UPF1: variants seen among roughly 807,000 people sequenced by gnomAD.
UPF1 encodes the protein UPF1 RNA helicase and ATPase, also known as regulator of nonsense transcripts 1.
A neutral mutation model predicts 129.2 loss-of-function variants in UPF1; 9 were observed. The ratio of observed to expected loss-of-function variants is 0.07; its 90% confidence interval spans 0.04 to 0.12. The LOEUF is 0.12. Ranked by LOEUF, UPF1 falls within the 10% of genes least tolerant of loss-of-function variation. The pLI is 1.00. For missense variants in UPF1, 788 were observed against 1,525.3 expected (o/e 0.52, Z 8.05); for synonymous variants, 649 against 644.9 (o/e 1.01, Z -0.10).
intron 1 of UPF1, among the ~76,000 whole-genome samples, chr19:18,837,644 G>C (rs57030846): frequency 0.03 from 4,548 of 152,274 alleles, 87 homozygotes; most frequent in East Asian, 0.1. Flanking sequence ...GGTAGGTACA[G>C]ACCTTTTAGG....
intron 3 of UPF1, among the ~76,000 whole-genome samples, chr19:18,848,812 C>CATT (rs1213540577): frequency 6.6e-6 from 1 of 152,196 alleles, no homozygotes; most frequent in African/African-American, 2.4e-5. Context: ...AAAAGACATT[C>CATT]TTGTCCCATT....
rs10416469 is a variant in UPF1, at chr19:18,867,441, C to T, written c.*924C>T. On this transcript the variant is annotated 3_prime_UTR_variant, in exon 24 of 24. Transcript: ENST00000262803. ...CGAGGGGCCTTGGCCAGGACTGGCC[C>T]TGTGGCCAGGAGGCGAGAAGGTGGC... 8,740 of 152,476 alleles carry T rather than the reference C, an allele frequency of 0.057. 391 individuals are homozygous for T. Among genetic ancestry groups the T allele is most frequent in the African/African-American group, 0.11 (4,742 of 41,586 alleles). 9.4% of individuals were successfully genotyped at this position (152,476 alleles called of 1,614,324 possible). A position where few individuals can be genotyped will look rare whatever the true frequency, so the allele number is the denominator to read the frequency against.
Position 18,852,984 on chromosome 19 carries a change from C to T in UPF1, c.973-3C>T, listed in dbSNP as rs369092715. Reference sequence around the variant, plus strand: ...CCGGGGCTCTTGTTTTTCATGTGCTCAGACTCAAGATAACATCACTGTCAG... The same window carrying T: ...CCGGGGCTCTTGTTTTTCATGTGCTTAGACTCAAGATAACATCACTGTCAG... On this transcript the variant is annotated splice_region_variant and splice_polypyrimidine_tract_variant and intron_variant, in intron 6 of 23. Coordinates refer to ENST00000262803, the MANE Select transcript of UPF1 (RefSeq NM_002911.4). 110 of 1,612,754 alleles carry T rather than the reference C, an allele frequency of 6.8e-5. No individual in the cohort carries two copies. In the African/African-American group the frequency reaches 1.0e-3, roughly 15 times the overall value.
At chr19:18,836,555 A>T (rs1028124408) in intron 1 of UPF1, among the ~76,000 whole-genome samples, 1 of 152,218 alleles carries the variant, frequency 6.6e-6, no homozygotes, top group Non-Finnish European at 1.5e-5. Context: ...GAGGCAGGTG[A>T]CAAAGGGCAC....
intron 1 of UPF1, among the ~76,000 whole-genome samples, chr19:18,840,184 A>C (rs868645175): frequency 2.2e-4 from 33 of 152,094 alleles, no homozygotes; most frequent in African/African-American, 7.5e-4. Context: ...GAGGGGCCAC[A>C]GGGCAGTGGA....
At chr19:18,838,506 G>T (rs1306537408) in intron 1 of UPF1, among the ~76,000 whole-genome samples, 2 of 152,146 alleles carry the variant, frequency 1.3e-5, no homozygotes, top group Non-Finnish European at 2.9e-5. Context: ...AAATTAGCTG[G>T]GTATAGTGGC....
At position 18,864,243 on chromosome 19, in the gene UPF1, G is replaced by A. The variant is rs1432208104; in HGVS notation, c.2849G>A (p.Ser950Asn). ...ATCCCAGGCTCCGTCTATGATCGGA[G>A]CAGCCAGGGTGAGTCGCTCAGCAGG... ...AIIPGSVYDR[S>N]SQGRPSSMYF... Residue 950 changes from serine to asparagine, a missense_variant, in exon 20 of 24, where the codon AGC becomes AAC. This residue lies in a region of UPF1 where 218 missense variants were observed against 318.1 expected (regional missense o/e 0.69). Transcript: ENST00000262803. 12 of 1,612,904 alleles carry A rather than the reference G, an allele frequency of 7.4e-6. No homozygotes were observed. In the South Asian group the frequency reaches 1.3e-4, roughly 18 times the overall value.
intron 1 of UPF1, chr19:18,833,145 C>CT (rs1460404150): frequency 3.9e-5 from 6 of 152,440 alleles, no homozygotes; most frequent in African/African-American, 1.2e-4. Context: ...GGCACCCCAC[C>CT]TTTCACAGTC....
chr19:18,858,761 G>T (rs543282019), intron 15 of UPF1, among the ~76,000 whole-genome samples: 2 of 152,188 alleles, frequency 1.3e-5, no homozygotes, highest in East Asian at 3.9e-4. Flanking sequence ...TGGGAGACAG[G>T]ACCACTCTTC....
At chr19:18,840,842 T>C (rs944761291) in intron 1 of UPF1, among the ~76,000 whole-genome samples, 1 of 152,218 alleles carries the variant, frequency 6.6e-6, no homozygotes, top group Non-Finnish European at 1.5e-5. Context: ...GAATAGCAGC[T>C]TAAGAGCCGG....
intron 1 of UPF1, among the ~76,000 whole-genome samples, chr19:18,833,494 C>T (rs1174702249): frequency 7.1e-6 from 1 of 141,484 alleles, no homozygotes; most frequent in African/African-American, 2.6e-5. Context: ...TAAATGGGGG[C>T]TTGGGTTGGG....
rs1237954090 is a variant in UPF1 at position 18,850,887 on chromosome 19, C to G, written c.810+19C>G. 6.5e-7 allele frequency: 1 copy of G among 1,533,428 alleles called. No homozygotes were observed. Among genetic ancestry groups the G allele is most frequent in the Non-Finnish European group, 8.8e-7 (1 of 1,136,424 alleles). The allele number at this position is 1,533,428 out of a possible 1,614,324, so 95.0% of individuals were successfully genotyped here. On this transcript the variant is annotated intron_variant, in intron 5 of 23. Coordinates refer to ENST00000262803, the MANE Select transcript of UPF1 (RefSeq NM_002911.4). The surrounding 1 kb of genome is among the most constrained non-coding windows in gnomAD (Gnocchi z 7.1). ...GTGGAAGGTGGGGCTGCCCAGCGGG[C>G]CGACCCGTGCCTTCGTGTGGTTTCT... is the stretch of plus-strand genomic sequence containing the variant.
rs920358715 is a variant in UPF1 at position 18,855,393 on chromosome 19, C to T, written c.1544+151C>T. On this transcript the variant is annotated intron_variant, in intron 11 of 23. Coordinates refer to ENST00000262803, the MANE Select transcript of UPF1 (RefSeq NM_002911.4). ...ATGGTGCCTACCGCTCTCTATGTGA[C>T]ATTATTCGTGTCAGCTCCAACCTTA... 13 of 813,696 alleles carry T rather than the reference C, an allele frequency of 1.6e-5. No individual in the cohort carries two copies. In the African/African-American group the frequency reaches 1.9e-4, roughly 12 times the overall value. 50.4% of individuals were successfully genotyped at this position (813,696 alleles called of 1,614,324 possible).
rs372305626 is a variant in UPF1 at position 18,836,289 on chromosome 19, T to C, written c.231+3849T>C. ...GTCTGCCTGGTTGGAATATTTCCTCTTGACTGTAGCTTCTGCCCTGGATCC... is the reference window on the plus strand; with the variant it reads ...GTCTGCCTGGTTGGAATATTTCCTCCTGACTGTAGCTTCTGCCCTGGATCC... On this transcript the variant is annotated intron_variant, in intron 1 of 23. Coordinates refer to ENST00000262803, the MANE Select transcript of UPF1 (RefSeq NM_002911.4). Among the ~76,000 whole-genome samples, 8 of 152,352 alleles carry C rather than the reference T, an allele frequency of 5.3e-5. No homozygotes were observed. The South Asian group carries it at 1.7e-3, about 32-fold the overall frequency.
rs1188586170 is a variant in UPF1, at chr19:18,867,244, G to A, written c.*727G>A. ...GTGCCGCGGCCGGAGGAGTTTTGTT[G>A]TTGGTTTTAGCTTCCAGTGGCTTCT... On this transcript the variant is annotated 3_prime_UTR_variant, in exon 24 of 24. Transcript: ENST00000262803. The A allele has an allele frequency of 6.6e-6, 1 of 152,286 alleles. No individual in the cohort carries two copies. Among genetic ancestry groups the A allele is most frequent in the Admixed American group, 6.5e-5 (1 of 15,294 alleles). The allele number at this position is 152,286 out of a possible 1,614,324, so 9.4% of individuals were successfully genotyped here.
chr19:18,857,492 A>G lies in UPF1; in HGVS notation c.2141A>G (p.Asn714Ser). ...CCTGCACTCAGCGCCTTCCCATCCA[A>G]CATCTTCTACGAGGGCTCCCTCCAG... is the stretch of plus-strand genomic sequence containing the variant. ...MHPALSAFPS[N>S]IFYEGSLQNG... Residue 714 changes from asparagine to serine, a missense_variant, in exon 15 of 24, where the codon AAC (asparagine) becomes AGC (serine). Asn to Ser is a conservative substitution (Grantham distance 46). This residue lies in a region of UPF1 where 140 missense variants were observed against 385.9 expected (regional missense o/e 0.36). Coordinates refer to ENST00000262803, the MANE Select transcript of UPF1 (RefSeq NM_002911.4). 1 of 1,613,930 alleles carries G rather than the reference A, an allele frequency of 6.2e-7. No homozygotes were observed. The highest frequency in any genetic ancestry group is 8.5e-7 in the Non-Finnish European group (1 of 1,179,962).
intron 1 of UPF1, among the ~76,000 whole-genome samples, chr19:18,843,100 G>C (rs1311621407): frequency 1.3e-5 from 2 of 152,200 alleles, no homozygotes; most frequent in African/African-American, 2.4e-5. Flanking sequence ...TGGGATTACA[G>C]GTATGAGCCA....
At chr19:18,855,312 G>T in intron 11 of UPF1, 70 bp downstream of exon 11, 5 of 1,541,178 alleles carry the variant, frequency 3.2e-6, no homozygotes, top group Non-Finnish European at 4.4e-6. Flanking sequence ...AAGGCCTGGT[G>T]CTGGGAGCCT....
chr19:18,867,425 T>TTGGCCAGGACTGGCCCTG lies in UPF1; in HGVS notation c.*918_*935dup, dbSNP rs1332377920. The TTGGCCAGGACTGGCCCTG allele has an allele frequency of 6.6e-6, 1 of 152,304 alleles. No homozygotes were observed. Among genetic ancestry groups the TTGGCCAGGACTGGCCCTG allele is most frequent in the Non-Finnish European group, 1.5e-5 (1 of 68,094 alleles). The allele number at this position is 152,304 out of a possible 1,614,324, so 9.4% of individuals were successfully genotyped here. ...GCTTTTGGCCCCATTGCGAGGGGCC[T>TTGGCCAGGACTGGCCCTG]TGGCCAGGACTGGCCCTGTGGCCAG... On this transcript the variant is annotated 3_prime_UTR_variant, in exon 24 of 24. Coordinates refer to ENST00000262803, the MANE Select transcript of UPF1 (RefSeq NM_002911.4).
Sources: gnomAD v4.1 joint callset for allele counts (sites outside exome capture counted in the v4.1 genomes callset) on GRCh38, gnomAD v4.1.1 for gene constraint, gnomAD v4.1.1 regional missense constraint, Gnocchi (gnomAD v3.1) non-coding constraint, MANE v1.5 for transcripts, NCBI Gene and HGNC (gene_info 2026-07-23, HGNC 2026-07-21) for gene names.